LARP1B: variants seen among roughly 807,000 people sequenced by gnomAD.
The protein encoded by LARP1B is la-related protein 1B.
In LARP1B, 76 loss-of-function variants were observed where a neutral mutation model predicts 114.2. The observed-to-expected ratio is 0.67, with a 90% CI of 0.55 to 0.81. The LOEUF (loss-of-function observed/expected upper bound fraction) is 0.81. Among genes scored for constraint, LARP1B ranks in the 30% least tolerant of loss-of-function variants. The probability of loss-of-function intolerance (pLI) is 0.00; values close to 1 mark genes in which losing one functional copy is unlikely to be tolerated. For synonymous variants in LARP1B, 345 were observed against 348.0 expected, an observed-to-expected ratio of 0.99 and a Z score of 0.10; for missense variants, 1,014 against 1,075.8, an observed-to-expected ratio of 0.94 and a Z score of 0.80.
rs1251296096 is a variant in LARP1B, at chr4:128,178,460, T to C, written c.1714T>C (p.Phe572Leu). The change falls in exon 14 of 20, where the codon TTT (phenylalanine) becomes CTT (leucine). Residue 572 changes from phenylalanine to leucine, a missense_variant. By Grantham distance (22) the Phe-to-Leu change is conservative. Transcript: ENST00000326639. ...DLTDELAQKLFDVSEITSAAM... is the reference protein window; with the variant it reads ...DLTDELAQKLLDVSEITSAAM... The stretch of plus-strand genomic sequence containing the variant: ...GACTGATGAATTAGCTCAGAAGTTA[T>C]TTGATGTTTCAGAAATAACTTCAGC... 6.2e-7 allele frequency: 1 copy of C among 1,613,842 alleles called. No homozygotes were observed. The highest frequency in any genetic ancestry group is 8.5e-7 in the Non-Finnish European group (1 of 1,179,880).
Position 128,083,435 on chromosome 4 carries a change from C to T in LARP1B, c.358+1130C>T, listed in dbSNP as rs571582287. 6.4e-4 allele frequency among the ~76,000 whole-genome samples: 94 copies of T among 147,118 alleles called. 1 individual carries two copies. Among genetic ancestry groups the T allele is most frequent in the African/African-American group, 2.0e-3 (81 of 39,898 alleles). ...TCACCTCCCGGACGGGGCGGCTGGC[C>T]GGGCAGGGGGCTGACCCCCCCCACC... On this transcript the variant is annotated intron_variant, in intron 5 of 19. Transcript: ENST00000326639.
chr4:128,069,436 G>A (rs565467106), intron 1 of LARP1B: 59 of 760,098 alleles, frequency 7.8e-5, no homozygotes, highest in South Asian at 3.9e-4. Context: ...TGGCGAACAC[G>A]AATCCTATAT....
intron 5 of LARP1B, among the ~76,000 whole-genome samples, chr4:128,082,703 T>C (rs1770986818): frequency 6.6e-6 from 1 of 152,176 alleles, no homozygotes; most frequent in African/African-American, 2.4e-5. Flanking sequence ...AATCGTATTG[T>C]AGATATCCCT....
At chr4:128,181,949 G>C (rs1748586392) in intron 15 of LARP1B, among the ~76,000 whole-genome samples, 2 of 149,620 alleles carry the variant, frequency 1.3e-5, no homozygotes, top group South Asian at 4.3e-4. Context: ...GGGACTACAG[G>C]TGCCCGCCAC....
At chr4:128,130,031 C>A (rs560922701) in intron 11 of LARP1B, among the ~76,000 whole-genome samples, 2 of 152,264 alleles carry the variant, frequency 1.3e-5, no homozygotes, top group Admixed American at 1.3e-4. Flanking sequence ...TTCAGAACTT[C>A]TGCCCAGTGA....
intron 8 of LARP1B, among the ~76,000 whole-genome samples, chr4:128,098,776 T>A (rs1386104947): frequency 0.015 from 992 of 65,722 alleles, 20 homozygotes; most frequent in African/African-American, 0.025. Flanking sequence ...TATTTTTTTT[T>A]TTTTTTTTTT....
intron 4 of LARP1B, among the ~76,000 whole-genome samples, chr4:128,079,843 G>T (rs1415503594): frequency 1.3e-5 from 2 of 152,178 alleles, no homozygotes; most frequent in African/African-American, 4.8e-5. Flanking sequence ...GGGATTAGAA[G>T]TGTGCGCCAC....
intron 11 of LARP1B, among the ~76,000 whole-genome samples, chr4:128,136,703 T>C (rs1725465789): frequency 1.3e-5 from 2 of 152,220 alleles, no homozygotes. Context: ...TAAAGTGAAT[T>C]CCAAGGCATT....
At chr4:128,094,638 C>T (rs1014091977) in intron 7 of LARP1B, among the ~76,000 whole-genome samples, 2 of 151,924 alleles carry the variant, frequency 1.3e-5, no homozygotes, top group Non-Finnish European at 1.5e-5. Flanking sequence ...AATGCCTGAG[C>T]TCAAAGTGCC....
chr4:128,184,649 G>A (rs1242743700), intron 15 of LARP1B, among the ~76,000 whole-genome samples: 1 of 151,796 alleles, frequency 6.6e-6, no homozygotes, highest in African/African-American at 2.4e-5. Context: ...TGTTAAGTAT[G>A]GTTATTCTAC....
At chr4:128,112,845 T>C (rs559699933) in intron 9 of LARP1B, among the ~76,000 whole-genome samples, 2 of 152,266 alleles carry the variant, frequency 1.3e-5, no homozygotes, top group Admixed American at 1.3e-4. Flanking sequence ...CTTTTATAAA[T>C]AATACAGTAA....
intron 14 of LARP1B, 121 bp from the exon 15 acceptor site, chr4:128,179,285 T>C: frequency 1.9e-6 from 1 of 515,278 alleles, no homozygotes; most frequent in Non-Finnish European, 3.3e-6. Context: ...TCATATGATT[T>C]CACAATGTGT....
At chr4:128,094,803 G>C (rs1406414170) in intron 7 of LARP1B, among the ~76,000 whole-genome samples, 2 of 151,948 alleles carry the variant, frequency 1.3e-5, no homozygotes, top group Non-Finnish European at 2.9e-5. Context: ...CCAGGCTGCA[G>C]TGCAATGGTG....
chr4:128,081,689 T>A (rs1168158744), intron 4 of LARP1B, among the ~76,000 whole-genome samples: 1 of 152,170 alleles, frequency 6.6e-6, no homozygotes, highest in Non-Finnish European at 1.5e-5. Context: ...TTCTTTAGAC[T>A]AACAGTTAAA....
intron 5 of LARP1B, among the ~76,000 whole-genome samples, chr4:128,089,084 T>C (rs1445679567): frequency 1.3e-5 from 2 of 152,080 alleles, no homozygotes; most frequent in African/African-American, 4.8e-5. Context: ...CATTTGGCAT[T>C]GTCTGGAGAT....
At chr4:128,103,723 T>G (rs1781113741) in intron 8 of LARP1B, among the ~76,000 whole-genome samples, 1 of 151,974 alleles carries the variant, frequency 6.6e-6, no homozygotes, top group South Asian at 2.1e-4. Context: ...CCACCACGCC[T>G]GGCTAATTTT....
chr4:128,114,334 CA>C (rs1166102312), intron 9 of LARP1B, among the ~76,000 whole-genome samples: 2 of 152,134 alleles, frequency 1.3e-5, no homozygotes, highest in Non-Finnish European at 2.9e-5. Flanking sequence ...GAGAAGTTTA[CA>C]TGAATGTAGT....
chr4:128,069,428 G>A, intron 1 of LARP1B: 1 of 760,640 alleles, frequency 1.3e-6, no homozygotes, highest in African/African-American at 1.7e-5. Flanking sequence ...GGCCACCATG[G>A]CGAACACGAA....
chr4:128,131,503 CAA>C (rs1319869756), intron 11 of LARP1B, among the ~76,000 whole-genome samples: 4 of 151,998 alleles, frequency 2.6e-5, no homozygotes, highest in African/African-American at 9.7e-5. Context: ...AATGGGTAAA[CAA>C]GAGTTCAAGG....
Sources: gnomAD v4.1 joint callset for allele counts (sites outside exome capture counted in the v4.1 genomes callset) on GRCh38, gnomAD v4.1.1 for gene constraint, MANE v1.5 for transcripts, NCBI Gene and HGNC (gene_info 2026-07-23, HGNC 2026-07-21) for gene names.